Variants in DGCR2 observed in about 807,000 individuals in gnomAD.
DGCR2 encodes the protein DiGeorge syndrome critical region gene 2.
Under a neutral mutation model 51.6 loss-of-function variants are expected in DGCR2, and 24 were observed. The ratio of observed to expected loss-of-function variants is 0.47; its 90% CI spans 0.34 to 0.65. The LOEUF (loss-of-function observed/expected upper bound fraction) is 0.65, where lower values mean the gene tolerates loss of function less well. Ranked by LOEUF, DGCR2 falls within the 30% of genes least tolerant of loss-of-function variation. The pLI is 0.01. For synonymous variants in DGCR2, 340 were observed against 315.4 expected (o/e 1.08, Z -0.82); for missense variants, 765 against 772.1 (o/e 0.99, Z 0.11).
intron 1 of DGCR2, among the ~76,000 whole-genome samples, chr22:19,109,786 T>TA (rs142650176): frequency 7.3e-5 from 11 of 151,698 alleles, no homozygotes; most frequent in East Asian, 1.9e-4. Flanking sequence ...TTTACGTTAT[T>TA]AAAAAAAAAC....
At chr22:19,060,782 C>A in intron 5 of DGCR2, 1 of 450,652 alleles carries the variant, frequency 2.2e-6, no homozygotes, top group Non-Finnish European at 4.4e-6. Flanking sequence ...AGGGTCTTGG[C>A]CCCCAGGCGG....
chr22:19,105,785 A>G (rs143190263), intron 1 of DGCR2, among the ~76,000 whole-genome samples: 2 of 152,266 alleles, frequency 1.3e-5, no homozygotes, highest in East Asian at 3.9e-4. Flanking sequence ...CAGTGCACAG[A>G]CCATCCCAGA....
intron 3 of DGCR2, among the ~76,000 whole-genome samples, chr22:19,066,318 T>C (rs1288264008): frequency 6.6e-6 from 1 of 152,030 alleles, no homozygotes; most frequent in Admixed American, 6.5e-5. Flanking sequence ...GGAGGATCAC[T>C]TGAGCTCAAA....
rs1226356046 is a variant in DGCR2 at position 19,037,210 on chromosome 22, C to G, written c.*1655G>C. On this transcript the variant is annotated 3_prime_UTR_variant, in exon 10 of 10. Transcript: ENST00000263196. ...GCACAAGCCTGCCCGCACACAGCCT[C>G]CAGCATCATGCTCCAGCAGGCCAAG... The G allele has an allele frequency of 6.6e-6, 1 of 152,424 alleles. No individual in the cohort carries two copies. The highest frequency in any genetic ancestry group is 1.9e-4 in the East Asian group (1 of 5,206). 9.4% of individuals were successfully genotyped at this position (152,424 alleles called of 1,614,324 possible).
intron 5 of DGCR2, among the ~76,000 whole-genome samples, chr22:19,062,497 A>G (rs2238746): frequency 0.24 from 35,887 of 152,040 alleles, 4,757 homozygotes; most frequent in African/African-American, 0.37. Context: ...GTGTTTACGA[A>G]AAGAACCCAA....
In DGCR2 at chr22:19,041,057, C is replaced by T. The variant is rs2082424907; in HGVS notation, c.1396+1G>A. ...TTCCCTCTCCCTGGGGAGTCAGGCA[C>T]CTGCAGGGTCATAGAACACACTGTC... On this transcript the variant is annotated splice_donor_variant, in intron 9 of 9. Coordinates refer to ENST00000263196, the MANE Select transcript of DGCR2 (RefSeq NM_005137.3). LOFTEE classifies it high-confidence loss of function. 2 of 1,583,672 alleles carry T rather than the reference C, an allele frequency of 1.3e-6. No individual in the cohort carries two copies. The highest frequency in any genetic ancestry group is 1.7e-6 in the Non-Finnish European group (2 of 1,160,658).
chr22:19,115,441 T>A (rs937893124), intron 1 of DGCR2, among the ~76,000 whole-genome samples: 6 of 152,206 alleles, frequency 3.9e-5, no homozygotes, highest in African/African-American at 1.4e-4. Context: ...CCAGGCCAGC[T>A]GGCTCCACAG....
At chr22:19,083,628 A>G (rs1225572220) in intron 2 of DGCR2, among the ~76,000 whole-genome samples, 1 of 151,682 alleles carries the variant, frequency 6.6e-6, no homozygotes, top group African/African-American at 2.4e-5. Flanking sequence ...TCCCTCAAAA[A>G]TTTTACACAT....
chr22:19,111,839 GTTTTTAT>G (rs1367398649), intron 1 of DGCR2, among the ~76,000 whole-genome samples: 3 of 132,588 alleles, frequency 2.3e-5, no homozygotes, highest in African/African-American at 6.3e-5. Context: ...ACTCTTTTTT[GTTTTTAT>G]TTTTTATTTA....
At chr22:19,077,659 G>C (rs2082893066) in intron 2 of DGCR2, among the ~76,000 whole-genome samples, 1 of 151,998 alleles carries the variant, frequency 6.6e-6, no homozygotes, top group African/African-American at 2.4e-5. Flanking sequence ...AGACTGTTCT[G>C]GCTCTTTGGA....
chr22:19,052,644 A>G (rs62221714), intron 6 of DGCR2, among the ~76,000 whole-genome samples: 14,206 of 151,370 alleles, frequency 0.094, 729 homozygotes, highest in Middle Eastern at 0.15. Context: ...AGTTGGGCAC[A>G]GTGGCATGCA....
chr22:19,066,742 ACT>A (rs1416850702), intron 3 of DGCR2, among the ~76,000 whole-genome samples: 2 of 152,208 alleles, frequency 1.3e-5, no homozygotes, highest in South Asian at 2.1e-4. Context: ...ACTCCTGTGC[ACT>A]GACTCATCTT....
intron 5 of DGCR2, among the ~76,000 whole-genome samples, chr22:19,062,599 G>C (rs763564219): frequency 2.0e-4 from 30 of 152,154 alleles, no homozygotes; most frequent in Non-Finnish European, 3.7e-4. Flanking sequence ...GCTGGAGAAG[G>C]CACTGCTGGA....
intron 4 of DGCR2, among the ~76,000 whole-genome samples, chr22:19,064,171 C>A (rs1405026792): frequency 6.6e-6 from 1 of 152,234 alleles, no homozygotes; most frequent in African/African-American, 2.4e-5. Context: ...TGGCAGGAGC[C>A]CAGGGATGGC....
chr22:19,063,194 G>T lies in DGCR2; in HGVS notation c.625+8C>A, dbSNP rs1485713880. On this transcript the variant is annotated splice_region_variant and intron_variant, in intron 5 of 9. Transcript: ENST00000263196. ...CTTCAAACACTCCCACACACCAGAA[G>T]GGCTCACCTTTGAATGCCACCTCCC... 50 of 1,613,798 alleles carry T rather than the reference G, an allele frequency of 3.1e-5. No homozygotes were observed. Among genetic ancestry groups the T allele is most frequent in the Non-Finnish European group, 4.1e-5 (48 of 1,179,802 alleles).
At chr22:19,072,139 G>A (rs117290676) in intron 2 of DGCR2, among the ~76,000 whole-genome samples, 6,381 of 152,170 alleles carry the variant, frequency 0.042, 153 homozygotes, top group Middle Eastern at 0.11. Flanking sequence ...TAAAACAGGT[G>A]GTGTCTGGGT....
chr22:19,058,230 G>A (rs1375820915), intron 5 of DGCR2, among the ~76,000 whole-genome samples: 2 of 152,220 alleles, frequency 1.3e-5, no homozygotes, highest in African/African-American at 4.8e-5. Context: ...TGGGCAGGAG[G>A]ACAGCTCTCA....
intron 7 of DGCR2, among the ~76,000 whole-genome samples, chr22:19,045,614 A>G (rs2082480750): frequency 6.6e-6 from 1 of 152,242 alleles, no homozygotes; most frequent in South Asian, 2.1e-4. Context: ...TTTAAGAGAC[A>G]GGGTCTTGCT....
At chr22:19,060,837 TCCA>T (rs749216181) in intron 5 of DGCR2, 6 of 513,748 alleles carry the variant, frequency 1.2e-5, no homozygotes, top group Admixed American at 7.9e-5. Flanking sequence ...TGGAGAGCGC[TCCA>T]CCAAGGCGCA....
Sources: allele counts gnomAD v4.1 joint callset (sites outside exome capture counted in the v4.1 genomes callset), GRCh38; gene constraint gnomAD v4.1.1; transcripts MANE v1.5; gene names NCBI Gene and HGNC (gene_info 2026-07-23, HGNC 2026-07-21).